Variants in PCDH9 observed in about 807,000 individuals in gnomAD.
PCDH9 encodes the protein protocadherin 9, also known as protocadherin-9.
A neutral mutation model predicts 70.6 loss-of-function variants in PCDH9; 24 were observed. That is an observed-to-expected ratio of 0.34 (90% CI 0.25 to 0.48). The LOEUF (loss-of-function observed/expected upper bound fraction) is 0.48. PCDH9 is among the 20% of genes least tolerant of loss of function. The probability of loss-of-function intolerance (pLI) is 0.99; values close to 1 mark genes in which losing one functional copy is unlikely to be tolerated. For missense variants in PCDH9, 1,281 were observed against 1,503.6 expected (o/e 0.85, Z 2.45); for synonymous variants, 562 against 558.5 (o/e 1.01, Z -0.09).
At chr13:67,206,237 C>T (rs1306257184) in intron 2 of PCDH9, 1 of 152,330 alleles carries the variant, frequency 6.6e-6, no homozygotes, top group African/African-American at 2.4e-5. Flanking sequence ...ATGATCTCGG[C>T]TCACTGCAAG....
At chr13:67,214,939 T>TATATATAA (rs2089559404) in intron 2 of PCDH9, 1 of 52,678 alleles carries the variant, frequency 1.9e-5, no homozygotes, top group African/African-American at 6.2e-5. Flanking sequence ...GAGCCAGATA[T>TATATATAA]ATATATATAT....
At chr13:66,630,687 T>C (rs1280026308) in intron 4 of PCDH9, 1 of 139,076 alleles carries the variant, frequency 7.2e-6, no homozygotes, top group African/African-American at 2.6e-5. Flanking sequence ...TTCACACTTG[T>C]TTTAATCATG....
Position 66,980,726 on chromosome 13 carries a change from C to G in PCDH9, c.3037-77121G>C, listed in dbSNP as rs371361071. ...AAATTTTGTTTTTTCCTGTTTTTTT[C>G]TTTGTTTTTTTTTTTGTTTTTTTTT... On this transcript the variant is annotated intron_variant, in intron 2 of 4. Coordinates refer to ENST00000377865, the MANE Select transcript of PCDH9 (RefSeq NM_203487.3). Among the ~76,000 whole-genome samples, 119 of 33,368 alleles carry G rather than the reference C, an allele frequency of 3.6e-3. 1 individual carries two copies. Among genetic ancestry groups the G allele is most frequent in the African/African-American group, 0.012 (115 of 9,872 alleles). The allele number at this position is 33,368 out of a possible 152,430, so 21.9% of individuals were successfully genotyped here.
chr13:66,467,059 C>G (rs548788860), intron 4 of PCDH9, among the ~76,000 whole-genome samples: 48 of 152,032 alleles, frequency 3.2e-4, no homozygotes, highest in Non-Finnish European at 4.3e-4. Flanking sequence ...TGGAAGAATT[C>G]CTAATACAAT....
chr13:67,191,567 GA>G (rs1351673998), intron 2 of PCDH9, among the ~76,000 whole-genome samples: 5 of 151,932 alleles, frequency 3.3e-5, no homozygotes, highest in Non-Finnish European at 7.4e-5. Flanking sequence ...GAAAACACTG[GA>G]AACAACTAAA....
chr13:66,854,973 C>T (rs1405300449), intron 3 of PCDH9, among the ~76,000 whole-genome samples: 1 of 152,042 alleles, frequency 6.6e-6, no homozygotes, highest in African/African-American at 2.4e-5. Flanking sequence ...AAATAAAGTG[C>T]TTGAGGTGAC....
intron 2 of PCDH9, among the ~76,000 whole-genome samples, chr13:67,184,557 C>G (rs1056574786): frequency 6.6e-6 from 1 of 152,070 alleles, no homozygotes; most frequent in East Asian, 1.9e-4. Flanking sequence ...GGTGAAACCC[C>G]GTCTCTATAA....
chr13:66,490,207 T>A (rs2138530985), intron 4 of PCDH9, among the ~76,000 whole-genome samples: 1 of 152,324 alleles, frequency 6.6e-6, no homozygotes, highest in East Asian at 1.9e-4. Context: ...AGGGTCATAA[T>A]TAGAGATAGA....
intron 2 of PCDH9, among the ~76,000 whole-genome samples, chr13:67,144,298 T>C (rs1030945881): frequency 6.6e-6 from 1 of 152,156 alleles, no homozygotes; most frequent in Admixed American, 6.6e-5. Context: ...CTTTGTAAAA[T>C]TTGTAATAAC....
intron 4 of PCDH9, among the ~76,000 whole-genome samples, chr13:66,571,873 G>A (rs377738592): frequency 3.2e-4 from 48 of 151,730 alleles, no homozygotes; most frequent in Non-Finnish European, 4.6e-4. Flanking sequence ...ATGTTTTATC[G>A]TGTATGACTA....
intron 4 of PCDH9, among the ~76,000 whole-genome samples, chr13:66,312,466 C>G (rs1037583295): frequency 1.3e-5 from 2 of 152,002 alleles, no homozygotes; most frequent in African/African-American, 2.4e-5. Flanking sequence ...CAAATATTAG[C>G]CAGGCATGGT....
intron 3 of PCDH9, among the ~76,000 whole-genome samples, chr13:66,689,710 G>T (rs376980259): frequency 6.6e-6 from 1 of 151,888 alleles, no homozygotes; most frequent in African/African-American, 2.4e-5. Context: ...AGGTATCTTC[G>T]GGTGTTGACT....
intron 2 of PCDH9, chr13:67,202,165 G>A (rs991286061): frequency 6.6e-6 from 1 of 151,998 alleles, no homozygotes; most frequent in Non-Finnish European, 1.5e-5. Flanking sequence ...GTGTGGTGAG[G>A]TGAGGAGAAG....
chr13:67,118,322 T>TA (rs1476656441), intron 2 of PCDH9, among the ~76,000 whole-genome samples: 3 of 152,200 alleles, frequency 2.0e-5, no homozygotes, highest in Admixed American at 1.3e-4. Flanking sequence ...TTCATTTTCT[T>TA]ACACTTCCTG....
rs574530823 is a variant in PCDH9, at chr13:67,088,078, G to T, written c.3036+137327C>A. Among the ~76,000 whole-genome samples the T allele has an allele frequency of 4.0e-5, 6 of 150,374 alleles. No individual in the cohort carries two copies. The South Asian group carries it at 1.3e-3, about 32-fold the overall frequency. On this transcript the variant is annotated intron_variant, in intron 2 of 4. Coordinates refer to ENST00000377865, the MANE Select transcript of PCDH9 (RefSeq NM_203487.3). ...GGCTACTCTGCAATGTGAAAGATAG[G>T]GAATTTGGTCTATTTCATAGATTTT... is the stretch of plus-strand genomic sequence containing the variant.
At chr13:66,645,666 G>C (rs752354209) in intron 3 of PCDH9, among the ~76,000 whole-genome samples, 1 of 152,138 alleles carries the variant, frequency 6.6e-6, no homozygotes, top group Non-Finnish European at 1.5e-5. Flanking sequence ...TTTAAGAAAA[G>C]TTGAGACTCC....
chr13:66,590,754 A>C (rs992054335), intron 4 of PCDH9, among the ~76,000 whole-genome samples: 2 of 151,916 alleles, frequency 1.3e-5, no homozygotes, highest in African/African-American at 4.8e-5. Context: ...CCTAAAACTA[A>C]GTACAAAAGA....
At chr13:66,953,296 A>T (rs2083214000) in intron 2 of PCDH9, among the ~76,000 whole-genome samples, 2 of 152,194 alleles carry the variant, frequency 1.3e-5, no homozygotes, top group African/African-American at 4.8e-5. Flanking sequence ...TACATGCCAG[A>T]GTACTGTAAA....
intron 4 of PCDH9, among the ~76,000 whole-genome samples, chr13:66,561,100 T>C (rs1961997911): frequency 1.3e-5 from 2 of 152,176 alleles, no homozygotes; most frequent in Non-Finnish European, 2.9e-5. Context: ...CTGCGCGTGG[T>C]GCTTGTGAGC....
Sources: gnomAD v4.1 joint callset for allele counts (sites outside exome capture counted in the v4.1 genomes callset) on GRCh38, gnomAD v4.1.1 for gene constraint, MANE v1.5 for transcripts, NCBI Gene and HGNC (gene_info 2026-07-23, HGNC 2026-07-21) for gene names.